The following GLRA2 variants were observed in gnomAD, a reference collection of about 807,000 sequenced individuals.
GLRA2 encodes glycine receptor alpha 2.
A neutral mutation model predicts 31.6 loss-of-function variants in GLRA2; 11 were observed. The ratio of observed to expected loss-of-function variants is 0.35; its 90% CI spans 0.22 to 0.58. The LOEUF (loss-of-function observed/expected upper bound fraction) is 0.58, where lower values mean the gene tolerates loss of function less well. GLRA2 is among the 20% of genes least tolerant of loss of function. GLRA2 has a pLI of 0.84. For synonymous variants in GLRA2, 132 were observed against 134.0 expected, an observed-to-expected ratio of 0.99 and a Z score of 0.10; for missense variants, 212 against 351.8, an observed-to-expected ratio of 0.60 and a Z score of 3.18.
the GLRA2 span, among the ~76,000 whole-genome samples, chrX:14,503,954 A>C: frequency 3.6e-5 from 4 of 112,048 alleles, no homozygotes; most frequent in Non-Finnish European, 5.6e-5. Context: ...CATATATAGA[A>C]AAAGATGTTG....
intron 2 of GLRA2, among the ~76,000 whole-genome samples, chrX:14,548,689 A>G (rs1016234273): frequency 8.9e-6 from 1 of 111,921 alleles, no homozygotes; most frequent in Non-Finnish European, 1.9e-5. Context: ...TCCAAATAGA[A>G]TCCCTGGCCT....
the GLRA2 span, among the ~76,000 whole-genome samples, chrX:14,508,505 C>G: frequency 2.7e-5 from 3 of 111,844 alleles, no homozygotes; most frequent in Non-Finnish European, 5.6e-5. Context: ...ATTCCTGCAG[C>G]ACACAGTCCT....
At chrX:14,703,656 T>C (rs1396517388) in intron 8 of GLRA2, among the ~76,000 whole-genome samples, 1 of 111,711 alleles carries the variant, frequency 9.0e-6, no homozygotes, top group African/African-American at 3.3e-5. Flanking sequence ...AGAGCATCCG[T>C]TGGGCACTGT....
chrX:14,612,300 C>T (rs923459635), intron 7 of GLRA2, among the ~76,000 whole-genome samples: 2 of 111,194 alleles, frequency 1.8e-5, no homozygotes, highest in Non-Finnish European at 3.8e-5. Flanking sequence ...GTTAGAATGG[C>T]GATCATTAAA....
chrX:14,537,762 C>A (rs558527469), intron 2 of GLRA2, among the ~76,000 whole-genome samples: 3 of 109,626 alleles, frequency 2.7e-5, no homozygotes, highest in Middle Eastern at 4.7e-3. Context: ...ATTGATGGTG[C>A]AAGGCATTAT....
At chrX:14,626,984 C>T (rs186747625) in intron 7 of GLRA2, among the ~76,000 whole-genome samples, 3 of 111,136 alleles carry the variant, frequency 2.7e-5, no homozygotes, top group Non-Finnish European at 3.8e-5. Context: ...GGGAAAGTAG[C>T]GATTGAGAGG....
intron 3 of GLRA2, among the ~76,000 whole-genome samples, chrX:14,579,957 C>A (rs2089998233): frequency 8.9e-6 from 1 of 112,026 alleles, no homozygotes; most frequent in Non-Finnish European, 1.9e-5. Context: ...TTTCCATACA[C>A]CCTAATCTTT....
chrX:14,604,109 T>C (rs1010477314), intron 4 of GLRA2, among the ~76,000 whole-genome samples: 5 of 110,017 alleles, frequency 4.5e-5, no homozygotes, highest in African/African-American at 1.7e-4. Context: ...AGTAAGAGGT[T>C]ATGGTGAAAT....
chrX:14,480,474 T>G, the GLRA2 span, among the ~76,000 whole-genome samples: 3 of 112,028 alleles, frequency 2.7e-5, no homozygotes, highest in African/African-American at 9.7e-5. Flanking sequence ...CTATGTTTTC[T>G]TCTAGGATTA....
chrX:14,541,250 T>C (rs149326363), intron 2 of GLRA2, among the ~76,000 whole-genome samples: 1 of 110,769 alleles, frequency 9.0e-6, no homozygotes, highest in Non-Finnish European at 1.9e-5. Context: ...TGAGAAAGGG[T>C]GTTAGAAGAA....
At chrX:14,530,863 C>T in intron 1 of GLRA2, 1 of 458,110 alleles carries the variant, frequency 2.2e-6, no homozygotes, top group Non-Finnish European at 2.8e-6. Context: ...GTGAAATAGT[C>T]ATCTAATAAC....
intron 7 of GLRA2, among the ~76,000 whole-genome samples, chrX:14,652,659 C>G (rs1054398739): frequency 9.0e-6 from 1 of 111,007 alleles, no homozygotes; most frequent in Non-Finnish European, 1.9e-5. Context: ...GAACCATGCC[C>G]ATATAAGATG....
intron 7 of GLRA2, among the ~76,000 whole-genome samples, chrX:14,611,241 C>G (rs1174995049): frequency 8.9e-6 from 1 of 112,828 alleles, no homozygotes; most frequent in Non-Finnish European, 1.9e-5. Context: ...ACCAGATGCT[C>G]CACTGTGGTG....
chrX:14,552,906 A>G lies in GLRA2; in HGVS notation c.202+20534A>G, dbSNP rs1438388790. Among the ~76,000 whole-genome samples the G allele has an allele frequency of 3.6e-5, 4 of 112,025 alleles. No homozygotes were observed. The South Asian group carries it at 1.5e-3, about 42-fold the overall frequency. On this transcript the variant is annotated intron_variant, in intron 2 of 8. Transcript: ENST00000218075. Reference sequence around the variant, plus strand: ...GGTAAAAACCCTATTCTGTTTCATTAGCAACTCTCATGTCCTCAAATTATA... The same window carrying G: ...GGTAAAAACCCTATTCTGTTTCATTGGCAACTCTCATGTCCTCAAATTATA...
the GLRA2 span, among the ~76,000 whole-genome samples, chrX:14,456,999 C>T: frequency 0.018 from 2,052 of 111,645 alleles, 64 homozygotes; most frequent in African/African-American, 0.064. Flanking sequence ...GTTCCTTTTT[C>T]TCCACGTCCT....
At chrX:14,495,422 T>A in the GLRA2 span, among the ~76,000 whole-genome samples, 4 of 110,216 alleles carry the variant, frequency 3.6e-5, 1 homozygote, top group Non-Finnish European at 7.6e-5. Context: ...TTAGTCGATA[T>A]AGGGTTCTAC....
At chrX:14,589,221 A>T (rs2090114085) in intron 4 of GLRA2, among the ~76,000 whole-genome samples, 1 of 110,572 alleles carries the variant, frequency 9.0e-6, no homozygotes, top group Non-Finnish European at 1.9e-5. Flanking sequence ...TTTGTCATAG[A>T]TTGCTCTTAT....
At chrX:14,620,003 G>GTT (rs570158352) in intron 7 of GLRA2, among the ~76,000 whole-genome samples, 92 of 100,284 alleles carry the variant, frequency 9.2e-4, no homozygotes, top group African/African-American at 2.1e-3. Context: ...GCGCCCCCCC[G>GTT]TTTTTTTTTT....
chrX:14,533,286 A>G lies in GLRA2; in HGVS notation c.202+914A>G, dbSNP rs184706519. ...TTATGTAGCAATTCATGCATTGCTTACTTTTGTTTATTAGCAATTTAATGG... is the reference window on the plus strand; with the variant it reads ...TTATGTAGCAATTCATGCATTGCTTGCTTTTGTTTATTAGCAATTTAATGG... On this transcript the variant is annotated intron_variant, in intron 2 of 8. Coordinates refer to ENST00000218075, the MANE Select transcript of GLRA2 (RefSeq NM_002063.4). Among the ~76,000 whole-genome samples the G allele has an allele frequency of 7.6e-3, 846 of 110,589 alleles. 1 individual carries two copies. The highest frequency in any genetic ancestry group is 0.012 in the Non-Finnish European group (611 of 52,554).
Sources: allele counts gnomAD v4.1 joint callset (sites outside exome capture counted in the v4.1 genomes callset), GRCh38; gene constraint gnomAD v4.1.1; transcripts MANE v1.5; gene names NCBI Gene and HGNC (gene_info 2026-07-23, HGNC 2026-07-21).